CPAMD8: variants seen among roughly 807,000 people sequenced by gnomAD.
CPAMD8 encodes C3 and PZP-like alpha-2-macroglobulin domain-containing protein 8.
CPAMD8 carries 146 observed loss-of-function variants against 224.7 expected under a neutral mutation model. The ratio of observed to expected loss-of-function variants is 0.65; its 90% CI spans 0.57 to 0.75. CPAMD8 has a LOEUF of 0.75. Among genes scored for constraint, CPAMD8 ranks in the 30% least tolerant of loss-of-function variants. CPAMD8 has a pLI of 0.00. For missense variants in CPAMD8, 2,301 were observed against 2,537.5 expected, an observed-to-expected ratio of 0.91 and a Z score of 2.00; for synonymous variants, 966 against 1,044.6, an observed-to-expected ratio of 0.92 and a Z score of 1.45.
chr19:16,999,142 A>G (rs956234831), intron 10 of CPAMD8, among the ~76,000 whole-genome samples: 1 of 152,232 alleles, frequency 6.6e-6, no homozygotes, highest in African/African-American at 2.4e-5. Context: ...CTACAGAGAC[A>G]GAAAACAGAT....
Position 16,897,685 on chromosome 19 carries a change from A to G in CPAMD8, c.5065+6T>C. ...GTGGGGGGCGGCAGTGGCTCCGCGCACTCACCCGGGCCCCGGGCAGGGGCG... is the reference window on the plus strand; with the variant it reads ...GTGGGGGGCGGCAGTGGCTCCGCGCGCTCACCCGGGCCCCGGGCAGGGGCG... On this transcript the variant is annotated splice_donor_region_variant and intron_variant, in intron 39 of 41. Transcript: ENST00000443236. 1.3e-6 allele frequency: 2 copies of G among 1,483,550 alleles called. No homozygotes were observed. The highest frequency in any genetic ancestry group is 1.8e-6 in the Non-Finnish European group (2 of 1,103,296). The allele number at this position is 1,483,550 out of a possible 1,614,324, so 91.9% of individuals were successfully genotyped here. A position where few individuals can be genotyped will look rare whatever the true frequency, so the allele number is the denominator to read the frequency against.
intron 11 of CPAMD8, among the ~76,000 whole-genome samples, chr19:16,995,252 T>C (rs190573413): frequency 6.6e-6 from 1 of 152,182 alleles, no homozygotes; most frequent in Non-Finnish European, 1.5e-5. Flanking sequence ...GCATCACTCA[T>C]GGACGGCAAA....
At chr19:16,973,609 A>G (rs1213635179) in intron 17 of CPAMD8, among the ~76,000 whole-genome samples, 4 of 151,972 alleles carry the variant, frequency 2.6e-5, no homozygotes, top group Admixed American at 1.3e-4. Flanking sequence ...TTGGCCTCCC[A>G]AAGTGCTGGG....
chr19:17,008,139 A>G (rs1229193722), intron 7 of CPAMD8, among the ~76,000 whole-genome samples: 6 of 152,232 alleles, frequency 3.9e-5, no homozygotes, highest in African/African-American at 4.8e-5. Context: ...ACTGCACTCC[A>G]GCCTGGGTGA....
chr19:16,929,219 G>C lies in CPAMD8; in HGVS notation c.2867C>G (p.Pro956Arg), dbSNP rs750067130. The change falls in exon 24 of 42, where the codon CCC becomes CGC. Residue 956 changes from proline to arginine, a missense_variant. This residue lies in a region of CPAMD8 where 1,709 missense variants were observed against 1,753.2 expected (regional missense o/e 0.97). Coordinates refer to ENST00000443236, the MANE Select transcript of CPAMD8 (RefSeq NM_015692.5). Reference protein sequence around the residue: ...CPSERVHISTPNKYEFQYVQR... With the variant: ...CPSERVHISTRNKYEFQYVQR... ...CACATACTGGAACTCATACTTGTTGGGGGTGGAGATGTGGACTCTCTCTGG... is the reference window on the plus strand; with the variant it reads ...CACATACTGGAACTCATACTTGTTGCGGGTGGAGATGTGGACTCTCTCTGG... The C allele has an allele frequency of 5.0e-6, 8 of 1,606,748 alleles. No individual in the cohort carries two copies. The highest frequency in any genetic ancestry group is 3.3e-4 in the Middle Eastern group (2 of 6,026).
At position 16,899,371 on chromosome 19, in the gene CPAMD8, A is replaced by G; in HGVS notation, c.4848+104T>C. 1.5e-6 allele frequency: 1 copy of G among 688,636 alleles called. No homozygotes were observed. Among genetic ancestry groups the G allele is most frequent in the Admixed American group, 2.1e-5 (1 of 48,250 alleles). The allele number at this position is 688,636 out of a possible 1,614,324, so 42.7% of individuals were successfully genotyped here. A position where few individuals can be genotyped will look rare whatever the true frequency, so the allele number is the denominator to read the frequency against. On this transcript the variant is annotated intron_variant, in intron 37 of 41. Coordinates refer to ENST00000443236, the MANE Select transcript of CPAMD8 (RefSeq NM_015692.5). This position sits in a 1 kb window ranked among gnomAD's most constrained non-coding sequence, Gnocchi z 5.4. ...CATGCCCGGCCCCAGTGTCTTTTTTATGGTACAAGATACTTGCAGGGAGCC... is the reference window on the plus strand; with the variant it reads ...CATGCCCGGCCCCAGTGTCTTTTTTGTGGTACAAGATACTTGCAGGGAGCC...
chr19:16,987,575 A>G (rs1379938143), intron 13 of CPAMD8, among the ~76,000 whole-genome samples: 5 of 152,158 alleles, frequency 3.3e-5, no homozygotes, highest in Non-Finnish European at 7.3e-5. Context: ...TTATTGTAAG[A>G]ATACAGTATA....
chr19:16,999,721 C>A (rs993871581), intron 10 of CPAMD8, among the ~76,000 whole-genome samples: 4 of 152,044 alleles, frequency 2.6e-5, no homozygotes, highest in Non-Finnish European at 2.9e-5. Context: ...ACTATGTTGC[C>A]CAGGCTGGCC....
intron 14 of CPAMD8, among the ~76,000 whole-genome samples, chr19:16,979,596 T>G (rs2055432726): frequency 1.5e-5 from 2 of 133,100 alleles, no homozygotes; most frequent in South Asian, 4.8e-4. Context: ...CTATCCACTG[T>G]TCTATCAGTC....
intron 18 of CPAMD8, among the ~76,000 whole-genome samples, chr19:16,959,631 CCCAGGTTCG>C (rs903178141): frequency 4.6e-5 from 7 of 151,890 alleles, no homozygotes; most frequent in Middle Eastern, 3.2e-3. Flanking sequence ...GCCTCCGCCT[CCCAGGTTCG>C]AGCAATTCTC....
intron 29 of CPAMD8, among the ~76,000 whole-genome samples, chr19:16,913,733 G>A (rs1001210244): frequency 5.9e-5 from 9 of 152,064 alleles, no homozygotes; most frequent in Admixed American, 1.3e-4. Context: ...TGGTGGGGGC[G>A]GTCTTAGGTC....
At chr19:17,026,505 C>A in intron 1 of CPAMD8, 46 bp downstream of exon 1, 1 of 1,450,924 alleles carries the variant, frequency 6.9e-7, no homozygotes, top group Non-Finnish European at 9.0e-7. Context: ...CCGCGACCCC[C>A]ACCCCAGAAG....
chr19:16,987,179 A>AAATAT lies in CPAMD8; in HGVS notation c.1395+2463_1395+2464insATATT, dbSNP rs1555784836. On this transcript the variant is annotated intron_variant, in intron 13 of 41. Transcript: ENST00000443236. ...AAAAAAAAAAAAAAAAAAAAAAAAA[A>AAATAT]ATATATATATATATATATATATATA... 2.4e-4 allele frequency among the ~76,000 whole-genome samples: 13 copies of AAATAT among 53,922 alleles called. 1 individual carries two copies. Among genetic ancestry groups the AAATAT allele is most frequent in the East Asian group, 1.6e-3 (3 of 1,922 alleles). 35.4% of individuals were successfully genotyped at this position (53,922 alleles called of 152,430 possible). A position where few individuals can be genotyped will look rare whatever the true frequency, so the allele number is the denominator to read the frequency against.
intron 7 of CPAMD8, 115 bp downstream of exon 7, chr19:17,008,390 C>G: frequency 7.5e-7 from 1 of 1,325,500 alleles, no homozygotes; most frequent in Non-Finnish European, 1.1e-6. Context: ...TTGGTCCCCT[C>G]CAGCTGGAGC....
intron 19 of CPAMD8, among the ~76,000 whole-genome samples, chr19:16,953,300 T>A (rs1476439425): frequency 6.6e-6 from 1 of 151,478 alleles, no homozygotes; most frequent in African/African-American, 2.4e-5. Flanking sequence ...GACATTGGGT[T>A]TGACAATGAT....
chr19:17,020,658 G>T (rs2056930418), intron 2 of CPAMD8, among the ~76,000 whole-genome samples: 1 of 152,138 alleles, frequency 6.6e-6, no homozygotes, highest in African/African-American at 2.4e-5. Flanking sequence ...TAAGCTGTGA[G>T]GGGAGTAATG....
rs754625091 is a variant in CPAMD8, at chr19:16,925,261, T to C, written c.3482A>G (p.Tyr1161Cys). Residue 1161 changes from tyrosine to cysteine, a missense_variant, in exon 26 of 42, where the codon TAT (tyrosine) becomes TGT (cysteine). Tyr to Cys is a radical substitution (Grantham distance 194). This residue lies in a region of CPAMD8 where 1,709 missense variants were observed against 1,753.2 expected (regional missense o/e 0.97). Coordinates refer to ENST00000443236, the MANE Select transcript of CPAMD8 (RefSeq NM_015692.5). ...HFAPNVFVLK[Y>C]LQKTQQLSPE... The stretch of plus-strand genomic sequence containing the variant: ...GCTGAGCTGCTGGGTTTTCTGAAGA[T>C]ACTTCAAGACAAAGACGTTGGGTGC... 3.1e-6 allele frequency: 5 copies of C among 1,614,248 alleles called. No individual in the cohort carries two copies. The South Asian group carries it at 3.3e-5, about 11-fold the overall frequency.
rs1568539943 is a variant in CPAMD8 at position 16,967,889 on chromosome 19, A to ATGTGTGTATATATTCG, written c.2213+3001_2213+3002insCGAATATATACACACA. 4.1e-4 allele frequency among the ~76,000 whole-genome samples: 37 copies of ATGTGTGTATATATTCG among 89,580 alleles called. 2 individuals carry two copies. The Middle Eastern group carries it at 0.02, about 49-fold the overall frequency. The allele number at this position is 89,580 out of a possible 152,430, so 58.8% of individuals were successfully genotyped here. On this transcript the variant is annotated intron_variant, in intron 18 of 41. Transcript: ENST00000443236. ...TGTATATATGTGCATATATACACACACATGTGTGTGTATATATGTGCATAT... is the reference window on the plus strand; with the variant it reads ...TGTATATATGTGCATATATACACACATGTGTGTATATATTCGCATGTGTGTGTATATATGTGCATAT...
intron 3 of CPAMD8, among the ~76,000 whole-genome samples, chr19:17,017,458 A>T: frequency 6.6e-6 from 1 of 152,288 alleles, no homozygotes; most frequent in African/African-American, 2.4e-5. Context: ...GGTGCCAAAA[A>T]GGTTGGGGAC....
Sources: gnomAD v4.1 joint callset for allele counts (sites outside exome capture counted in the v4.1 genomes callset) on GRCh38, gnomAD v4.1.1 for gene constraint, gnomAD v4.1.1 regional missense constraint, Gnocchi (gnomAD v3.1) non-coding constraint, MANE v1.5 for transcripts, NCBI Gene and HGNC (gene_info 2026-07-23, HGNC 2026-07-21) for gene names.